Variants in XIRP2 observed in about 807,000 individuals in gnomAD.
XIRP2 encodes xin actin-binding repeat-containing protein 2.
Under a neutral mutation model 277.0 loss-of-function variants are expected in XIRP2, and 236 were observed. The observed-to-expected ratio is 0.85, with a 90% CI of 0.77 to 0.95. XIRP2 has a LOEUF of 0.95. XIRP2 is among the 40% of genes least tolerant of loss of function. The pLI, the probability that XIRP2 is intolerant of heterozygous loss-of-function variation, is 0.00. For synonymous variants in XIRP2, 1,490 were observed against 1,416.5 expected (o/e 1.05, Z -1.17); for missense variants, 4,640 against 4,157.5 (o/e 1.12, Z -3.19).
chr2:167,099,744 C>T (rs1306005438), intron 2 of XIRP2, among the ~76,000 whole-genome samples: 3 of 152,066 alleles, frequency 2.0e-5, no homozygotes, highest in Non-Finnish European at 2.9e-5. Flanking sequence ...CTCATGGCTT[C>T]CCTTGGCTAT....
At chr2:167,237,608 G>A (rs1694938086) in intron 5 of XIRP2, among the ~76,000 whole-genome samples, 2 of 152,226 alleles carry the variant, frequency 1.3e-5, no homozygotes, top group South Asian at 4.1e-4. Flanking sequence ...TTTTGTAGAT[G>A]TTACCTAATT....
chr2:166,910,375 T>C (rs537550644), intron 2 of XIRP2, among the ~76,000 whole-genome samples: 2 of 152,328 alleles, frequency 1.3e-5, no homozygotes, highest in East Asian at 1.9e-4. Flanking sequence ...ATCTATTTCT[T>C]CTAGATTTTC....
chr2:167,022,705 T>C (rs1321995812), intron 2 of XIRP2, among the ~76,000 whole-genome samples: 1 of 151,700 alleles, frequency 6.6e-6, no homozygotes, highest in East Asian at 2.0e-4. Context: ...TGGTGTTCGG[T>C]TTTTTGTCCT....
chr2:166,956,800 G>A (rs1686174174), intron 2 of XIRP2, among the ~76,000 whole-genome samples: 1 of 151,696 alleles, frequency 6.6e-6, no homozygotes, highest in Non-Finnish European at 1.5e-5. Flanking sequence ...TTTAAAAAGT[G>A]CTTCCCTGGA....
At chr2:167,208,895 C>G (rs1297102101) in intron 3 of XIRP2, among the ~76,000 whole-genome samples, 1 of 152,092 alleles carries the variant, frequency 6.6e-6, no homozygotes, top group African/African-American at 2.4e-5. Flanking sequence ...TCATTCACAT[C>G]AAAGTAAGAA....
intron 2 of XIRP2, among the ~76,000 whole-genome samples, chr2:166,966,756 C>T (rs919551605): frequency 2.6e-5 from 4 of 151,982 alleles, no homozygotes; most frequent in Non-Finnish European, 5.9e-5. Context: ...CAAAAGCTCT[C>T]CTAGTGTTCT....
Position 167,172,376 on chromosome 2 carries a change from G to A in XIRP2, c.562+36314G>A, listed in dbSNP as rs183926169. On this transcript the variant is annotated intron_variant, in intron 3 of 10. Coordinates refer to ENST00000409195, the MANE Select transcript of XIRP2 (RefSeq NM_152381.6). ...AAATTGCTAATGAAGTTTCGGGCACGCATTGTCATTGATAACCTCTTATCA... is the reference window on the plus strand; with the variant it reads ...AAATTGCTAATGAAGTTTCGGGCACACATTGTCATTGATAACCTCTTATCA... Among the ~76,000 whole-genome samples, 18 of 152,266 alleles carry A rather than the reference G, an allele frequency of 1.2e-4. No individual in the cohort carries two copies. In the East Asian group the frequency reaches 1.5e-3, roughly 13 times the overall value.
At chr2:166,915,155 G>A (rs1381325542) in intron 2 of XIRP2, among the ~76,000 whole-genome samples, 2 of 151,420 alleles carry the variant, frequency 1.3e-5, no homozygotes, top group African/African-American at 2.4e-5. Context: ...AAAAAAATTA[G>A]CCAGGTGTGG....
At chr2:167,137,238 G>A (rs574082287) in intron 3 of XIRP2, among the ~76,000 whole-genome samples, 1 of 152,264 alleles carries the variant, frequency 6.6e-6, no homozygotes, top group African/African-American at 2.4e-5. Context: ...ACTGGGCATG[G>A]ATTTCTAAAT....
At chr2:166,988,577 C>T (rs1482667720) in intron 2 of XIRP2, among the ~76,000 whole-genome samples, 1 of 137,650 alleles carries the variant, frequency 7.3e-6, no homozygotes, top group African/African-American at 2.8e-5. Flanking sequence ...CTAGGGAGTG[C>T]CAGACAGTGG....
At chr2:167,140,289 A>G (rs1216846222) in intron 3 of XIRP2, among the ~76,000 whole-genome samples, 1 of 152,190 alleles carries the variant, frequency 6.6e-6, no homozygotes, top group Non-Finnish European at 1.5e-5. Context: ...CTAGAGCTTA[A>G]TTGTCTTGGA....
At chr2:166,998,724 G>A (rs1368171962) in intron 2 of XIRP2, among the ~76,000 whole-genome samples, 1 of 152,138 alleles carries the variant, frequency 6.6e-6, no homozygotes, top group Non-Finnish European at 1.5e-5. Flanking sequence ...TAACCAATCA[G>A]AAACTGCCAA....
At position 167,210,862 on chromosome 2, in the gene XIRP2, T is replaced by C. The variant is rs554547407; in HGVS notation, c.690T>C (p.Val230=). Residue 230 remains valine, a synonymous_variant, in exon 4 of 11, where the codon GTT becomes GTC. Transcript: ENST00000409195. ...GGATGGCGAGGTACCAGGCAGCTGT[T>C]TCCAGGGGTGACTGCCGCAGCTTCT... ...KERMARYQAA[V]SRGDCRSFSA... The C allele has an allele frequency of 1.7e-4, 272 of 1,614,100 alleles. No homozygotes were observed. Among genetic ancestry groups the C allele is most frequent in the South Asian group, 4.9e-4 (45 of 91,084 alleles).
chr2:166,961,815 C>CT (rs201180401), intron 2 of XIRP2, among the ~76,000 whole-genome samples: 235 of 150,818 alleles, frequency 1.6e-3, no homozygotes, highest in African/African-American at 5.0e-3. Flanking sequence ...TTCAACTTTA[C>CT]TTTTTTTTTG....
intron 3 of XIRP2, among the ~76,000 whole-genome samples, chr2:167,151,156 C>T (rs1326803212): frequency 6.6e-6 from 1 of 152,066 alleles, no homozygotes; most frequent in Non-Finnish European, 1.5e-5. Flanking sequence ...TGCTACTAAG[C>T]AATCTGTATT....
chr2:167,021,484 T>C (rs1275732142), intron 2 of XIRP2, among the ~76,000 whole-genome samples: 1 of 152,150 alleles, frequency 6.6e-6, no homozygotes, highest in Non-Finnish European at 1.5e-5. Flanking sequence ...ACTTTTGGTA[T>C]ACTACTTTCA....
intron 2 of XIRP2, among the ~76,000 whole-genome samples, chr2:167,043,326 C>A (rs1688710581): frequency 6.6e-6 from 1 of 151,678 alleles, no homozygotes; most frequent in Non-Finnish European, 1.5e-5. Flanking sequence ...AAGAAATAAC[C>A]AAAATCAGAG....
chr2:167,028,841 A>T (rs1228902676), intron 2 of XIRP2, among the ~76,000 whole-genome samples: 1 of 151,892 alleles, frequency 6.6e-6, no homozygotes, highest in Non-Finnish European at 1.5e-5. Context: ...GGAATTCAGA[A>T]TCCCATAAGA....
Position 167,191,882 on chromosome 2 carries a change from CG to C in XIRP2, c.563-18852del, listed in dbSNP as rs555723490. Among the ~76,000 whole-genome samples the C allele has an allele frequency of 3.9e-5, 6 of 152,262 alleles. No homozygotes were observed. The South Asian group carries it at 1.2e-3, about 32-fold the overall frequency. On this transcript the variant is annotated intron_variant, in intron 3 of 10. Coordinates refer to ENST00000409195, the MANE Select transcript of XIRP2 (RefSeq NM_152381.6). The stretch of plus-strand genomic sequence containing the variant: ...GAATTGCCAAATTGCTCCCGGCATA[CG>C]TATCACTTAAAATAAATGTAATACC...
Sources: allele counts gnomAD v4.1 joint callset (sites outside exome capture counted in the v4.1 genomes callset), GRCh38; gene constraint gnomAD v4.1.1; transcripts MANE v1.5; gene names NCBI Gene and HGNC (gene_info 2026-07-23, HGNC 2026-07-21).